Variants in THOC2 observed in about 807,000 individuals in gnomAD.
THOC2 encodes the protein THO complex subunit 2, also known as THO complex 2.
A neutral mutation model predicts 128.4 loss-of-function variants in THOC2; 10 were observed. That is an observed-to-expected ratio of 0.08 (90% confidence interval 0.05 to 0.13). THOC2 has a LOEUF of 0.13. THOC2 is among the 10% of genes least tolerant of loss of function. The probability of loss-of-function intolerance (pLI) is 1.00; values close to 1 mark genes in which losing one functional copy is unlikely to be tolerated. For synonymous variants in THOC2, 393 were observed against 396.9 expected, an observed-to-expected ratio of 0.99 and a Z score of 0.12; for missense variants, 535 against 1,155.7, an observed-to-expected ratio of 0.46 and a Z score of 7.79.
intron 1 of THOC2, among the ~76,000 whole-genome samples, chrX:123,715,560 T>G (rs755052495): frequency 6.4e-5 from 7 of 109,105 alleles, no homozygotes; most frequent in African/African-American, 2.3e-4. Flanking sequence ...GGCGGGCAGA[T>G]AGCTTGAGCT....
intron 38 of THOC2, chrX:123,602,559 T>C (rs1216785710): frequency 8.9e-6 from 1 of 112,014 alleles, no homozygotes; most frequent in African/African-American, 3.2e-5. Context: ...ACATTACTGG[T>C]TTCCAGGGGC....
chrX:123,621,207 C>G lies in THOC2; in HGVS notation c.4166G>C (p.Gly1389Ala). The G allele has an allele frequency of 8.3e-7, 1 of 1,210,183 alleles. No homozygotes were observed. The highest frequency in any genetic ancestry group is 3.0e-5 in the East Asian group (1 of 33,827). The change falls in exon 31 of 39, where the codon GGG (glycine) becomes GCG (alanine). Residue 1389 changes from glycine to alanine, a missense_variant. Transcript: ENST00000245838. Reference protein sequence around the residue: ...VKGGEKTPVSGSLKSPVPRSD... With the variant: ...VKGGEKTPVSASLKSPVPRSD... The stretch of plus-strand genomic sequence containing the variant: ...TCTGGGAACAGGTGATTTCAAGGAC[C>G]CAGAAACTGGTGTTTTTTCTCCTCC...
intron 1 of THOC2, among the ~76,000 whole-genome samples, chrX:123,724,973 G>A (rs755805154): frequency 9.0e-6 from 1 of 111,079 alleles, no homozygotes; most frequent in African/African-American, 3.3e-5. Flanking sequence ...AGCTACTCAG[G>A]AGGCTGAGGT....
intron 7 of THOC2, among the ~76,000 whole-genome samples, chrX:123,691,877 C>G (rs1013238486): frequency 5.3e-5 from 6 of 112,221 alleles, no homozygotes; most frequent in African/African-American, 1.9e-4. Context: ...ATCCATTTAG[C>G]GGTCTGTTTT....
intron 13 of THOC2, 70 bp from the exon 14 acceptor site, chrX:123,644,979 C>T: frequency 1.1e-6 from 1 of 930,088 alleles, no homozygotes; most frequent in Non-Finnish European, 1.5e-6. Flanking sequence ...AAATTTATAA[C>T]AGCCTTGGGA....
intron 1 of THOC2, among the ~76,000 whole-genome samples, chrX:123,728,301 A>G (rs1024069362): frequency 2.7e-5 from 3 of 111,175 alleles, no homozygotes; most frequent in African/African-American, 9.8e-5. Flanking sequence ...GCACAAGTAT[A>G]TTGACAGCAC....
intron 3 of THOC2, among the ~76,000 whole-genome samples, chrX:123,705,890 T>C (rs908859267): frequency 1.8e-5 from 2 of 111,671 alleles, no homozygotes; most frequent in Non-Finnish European, 3.8e-5. Context: ...AAGTTCATTA[T>C]AAATGTATAT....
intron 12 of THOC2, among the ~76,000 whole-genome samples, chrX:123,646,046 T>C (rs771907702): frequency 8.9e-6 from 1 of 111,978 alleles, no homozygotes; most frequent in Non-Finnish European, 1.9e-5. Context: ...ATGGAATTAG[T>C]ATAATCAAAC....
At chrX:123,653,252 A>C (rs990879020) in intron 12 of THOC2, among the ~76,000 whole-genome samples, 1 of 112,028 alleles carries the variant, frequency 8.9e-6, no homozygotes, top group Non-Finnish European at 1.9e-5. Flanking sequence ...CCTTCCTTAC[A>C]CCATATACAA....
At chrX:123,699,246 C>T (rs1236174750) in intron 4 of THOC2, among the ~76,000 whole-genome samples, 1 of 112,030 alleles carries the variant, frequency 8.9e-6, no homozygotes, top group African/African-American at 3.2e-5. Context: ...TGTTCTACTG[C>T]CAACACTAAG....
intron 3 of THOC2, among the ~76,000 whole-genome samples, chrX:123,704,530 TTTTC>T (rs1006029763): frequency 3.6e-5 from 4 of 111,694 alleles, no homozygotes; most frequent in African/African-American, 1.3e-4. Flanking sequence ...ATTCTCTTTA[TTTTC>T]TTTATTTACT....
chrX:123,680,922 G>C (rs1195164624), intron 8 of THOC2, among the ~76,000 whole-genome samples: 4 of 110,469 alleles, frequency 3.6e-5, no homozygotes, highest in Admixed American at 1.9e-4. Flanking sequence ...CACACAATCA[G>C]ACTGATCCAT....
intron 8 of THOC2, among the ~76,000 whole-genome samples, chrX:123,677,793 C>T (rs1428928503): frequency 2.8e-5 from 3 of 108,248 alleles, no homozygotes; most frequent in African/African-American, 1.0e-4. Context: ...TGGCTTGAAC[C>T]CAGGAGGCAG....
intron 12 of THOC2, among the ~76,000 whole-genome samples, chrX:123,655,241 A>G (rs935719520): frequency 2.9e-4 from 32 of 111,975 alleles, no homozygotes; most frequent in African/African-American, 9.4e-4. Flanking sequence ...ATTTCTTAAA[A>G]CTACTCTATG....
intron 12 of THOC2, among the ~76,000 whole-genome samples, chrX:123,649,174 A>G (rs1482981509): frequency 2.7e-5 from 3 of 112,429 alleles, no homozygotes; most frequent in Non-Finnish European, 5.6e-5. Flanking sequence ...CCAGGCAAAC[A>G]GGGTCTGGAG....
intron 19 of THOC2, 110 bp downstream of exon 19, chrX:123,635,969 G>A (rs1024489916): frequency 1.9e-6 from 1 of 514,440 alleles, no homozygotes; most frequent in African/African-American, 2.4e-5. Flanking sequence ...TATTCTACTT[G>A]AGCCTACAAC....
chrX:123,688,727 G>C (rs900348160), intron 7 of THOC2, among the ~76,000 whole-genome samples: 2 of 110,992 alleles, frequency 1.8e-5, no homozygotes. Flanking sequence ...TGTTTGTGGT[G>C]TTTTCACAGA....
At chrX:123,630,521 G>C (rs912911603) in intron 22 of THOC2, among the ~76,000 whole-genome samples, 3 of 104,420 alleles carry the variant, frequency 2.9e-5, no homozygotes, top group African/African-American at 1.1e-4. Flanking sequence ...CCTGGGATAG[G>C]AGTATCGCTT....
intron 38 of THOC2, among the ~76,000 whole-genome samples, chrX:123,609,724 A>T (rs2046625507): frequency 2.7e-5 from 3 of 111,810 alleles, no homozygotes; most frequent in African/African-American, 9.8e-5. Context: ...GGAAGCAAGA[A>T]AACGGGCTAT....
Sources: allele counts gnomAD v4.1 joint callset (sites outside exome capture counted in the v4.1 genomes callset), GRCh38; gene constraint gnomAD v4.1.1; transcripts MANE v1.5; gene names NCBI Gene and HGNC (gene_info 2026-07-23, HGNC 2026-07-21).